The following RASEF variants were observed in gnomAD, a reference collection of about 807,000 sequenced individuals.
RASEF encodes ras and EF-hand domain-containing protein.
In RASEF, 68 loss-of-function variants were observed where a neutral mutation model predicts 90.1. That is an observed-to-expected ratio of 0.75 (90% CI 0.62 to 0.92). The LOEUF is 0.92. RASEF is among the 40% of genes least tolerant of loss of function. The pLI is 0.00. For missense variants in RASEF, 949 were observed against 937.2 expected (o/e 1.01, Z -0.16); for synonymous variants, 331 against 345.2 (o/e 0.96, Z 0.46).
At chr9:83,131,588 C>A in the RASEF span, among the ~76,000 whole-genome samples, 13 of 152,256 alleles carry the variant, frequency 8.5e-5, no homozygotes, top group East Asian at 7.7e-4. Flanking sequence ...TGATCTCGCT[C>A]GGCAAAGATT....
chr9:83,160,799 C>T, the RASEF span, among the ~76,000 whole-genome samples: 1 of 152,140 alleles, frequency 6.6e-6, no homozygotes, highest in Non-Finnish European at 1.5e-5. Flanking sequence ...GGTCCCTGTG[C>T]TGTGTGCAGC....
the RASEF span, among the ~76,000 whole-genome samples, chr9:83,082,936 G>A: frequency 6.6e-6 from 1 of 152,160 alleles, no homozygotes; most frequent in Admixed American, 6.5e-5. Context: ...ATAAGATCAT[G>A]CGCCCAGTGA....
intron 2 of RASEF, among the ~76,000 whole-genome samples, chr9:83,023,878 T>C (rs572096103): frequency 6.6e-6 from 1 of 152,350 alleles, no homozygotes; most frequent in South Asian, 2.1e-4. Flanking sequence ...TCTGCCCTTT[T>C]CACTTCTGAG....
chr9:82,997,097 C>G lies in RASEF; in HGVS notation c.1835G>C (p.Arg612Thr), dbSNP rs1828935880. ...RFRSIAKSYF[R>T]KADGVLLLYD... ...CAGCAGCAAAACACCATCTGCCTTTCTGAAGTAAGACTTGGCAATACTTCT... is the reference window on the plus strand; with the variant it reads ...CAGCAGCAAAACACCATCTGCCTTTGTGAAGTAAGACTTGGCAATACTTCT... The change falls in exon 14 of 17, where the codon AGA becomes ACA. Residue 612 changes from arginine to threonine, a missense_variant. This residue lies in a region of RASEF where 288 missense variants were observed against 328.4 expected (regional missense o/e 0.88). Coordinates refer to ENST00000376447, the MANE Select transcript of RASEF (RefSeq NM_152573.4). The G allele has an allele frequency of 6.2e-7, 1 of 1,613,034 alleles. No individual in the cohort carries two copies. Among genetic ancestry groups the G allele is most frequent in the South Asian group, 1.1e-5 (1 of 91,068 alleles).
the RASEF span, among the ~76,000 whole-genome samples, chr9:83,218,910 C>T: frequency 2.0e-5 from 3 of 152,150 alleles, no homozygotes; most frequent in Non-Finnish European, 2.9e-5. Context: ...CACAGGAGGA[C>T]CGTGCAAAGG....
At chr9:83,069,140 G>A in the RASEF span, among the ~76,000 whole-genome samples, 67 of 152,242 alleles carry the variant, frequency 4.4e-4, no homozygotes, top group African/African-American at 1.6e-3. Flanking sequence ...TTCGACCACT[G>A]TTACTGAGAA....
the RASEF span, among the ~76,000 whole-genome samples, chr9:83,087,233 C>T: frequency 6.6e-6 from 1 of 151,982 alleles, no homozygotes; most frequent in Non-Finnish European, 1.5e-5. Flanking sequence ...AATTGTGTCC[C>T]CCAAATTTGT....
chr9:83,025,984 G>T (rs73469438), intron 1 of RASEF, 63 bp from the exon 2 acceptor site: 1 of 1,209,834 alleles, frequency 8.3e-7, no homozygotes, highest in Non-Finnish European at 1.1e-6. Flanking sequence ...TCTGCAGGGG[G>T]CTTTTAAGAA....
chr9:83,207,592 G>C, the RASEF span, among the ~76,000 whole-genome samples: 1 of 148,730 alleles, frequency 6.7e-6, no homozygotes, highest in East Asian at 2.0e-4. Context: ...TATCTCAGGA[G>C]GGCTGCTTTT....
chr9:83,148,627 T>A, the RASEF span, among the ~76,000 whole-genome samples: 1 of 152,206 alleles, frequency 6.6e-6, no homozygotes, highest in Non-Finnish European at 1.5e-5. Context: ...ATCTCTGATA[T>A]TTATGCCACT....
At chr9:83,159,829 A>T in the RASEF span, among the ~76,000 whole-genome samples, 2 of 152,132 alleles carry the variant, frequency 1.3e-5, no homozygotes, top group African/African-American at 4.8e-5. Context: ...GTTCCCATGT[A>T]TTGTGGGAGA....
Position 83,063,074 on chromosome 9 carries a change from C to G in RASEF, c.-207G>C. 3 of 529,878 alleles carry G rather than the reference C, an allele frequency of 5.7e-6. No individual in the cohort carries two copies. Among genetic ancestry groups the G allele is most frequent in the Non-Finnish European group, 9.4e-6 (3 of 318,884 alleles). The allele number at this position is 529,878 out of a possible 1,614,324, so 32.8% of individuals were successfully genotyped here. On this transcript the variant is annotated 5_prime_UTR_variant, in exon 1 of 17. Coordinates refer to ENST00000376447, the MANE Select transcript of RASEF (RefSeq NM_152573.4). ...CTTCGACGACGGTTCGGGCCAGCCC[C>G]CAACAGGTCCCGGGAGCGGTGGGGT...
chr9:83,179,477 TTTA>T, the RASEF span, among the ~76,000 whole-genome samples: 8 of 152,168 alleles, frequency 5.3e-5, no homozygotes, highest in Admixed American at 2.6e-4. Context: ...AGTATCGTCA[TTTA>T]TTTCTTTTTA....
chr9:83,002,647 CA>C (rs1344302420), intron 9 of RASEF, among the ~76,000 whole-genome samples: 2 of 151,762 alleles, frequency 1.3e-5, no homozygotes, highest in Admixed American at 6.6e-5. Flanking sequence ...ATAAGAAAAC[CA>C]TTCTAATTAT....
the RASEF span, among the ~76,000 whole-genome samples, chr9:83,137,684 C>T: frequency 3.3e-5 from 5 of 151,480 alleles, no homozygotes; most frequent in South Asian, 2.1e-4. Flanking sequence ...TATATGGAAA[C>T]GCATGAAAAG....
chr9:83,115,884 TA>T, the RASEF span, among the ~76,000 whole-genome samples: 8,498 of 145,894 alleles, frequency 0.058, 284 homozygotes, highest in South Asian at 0.1. Flanking sequence ...GCTAAATTGC[TA>T]AAAAAAAAAG....
At chr9:83,009,608 C>T (rs1374425388) in intron 6 of RASEF, 33 bp downstream of exon 6, 2 of 1,307,794 alleles carry the variant, frequency 1.5e-6, no homozygotes, top group East Asian at 2.3e-5. Flanking sequence ...CAATATTCTA[C>T]TCAAACTAAC....
chr9:83,107,775 GA>G, the RASEF span, among the ~76,000 whole-genome samples: 1 of 152,114 alleles, frequency 6.6e-6, no homozygotes, highest in African/African-American at 2.4e-5. Context: ...GGTGGAGAAA[GA>G]AATATTCCTG....
At chr9:83,176,218 C>T in the RASEF span, among the ~76,000 whole-genome samples, 10 of 152,166 alleles carry the variant, frequency 6.6e-5, no homozygotes, top group South Asian at 1.7e-3. Context: ...TTACATCTTC[C>T]TCATAGATTG....
Sources: gnomAD v4.1 joint callset for allele counts (sites outside exome capture counted in the v4.1 genomes callset) on GRCh38, gnomAD v4.1.1 for gene constraint, gnomAD v4.1.1 regional missense constraint, MANE v1.5 for transcripts, NCBI Gene and HGNC (gene_info 2026-07-23, HGNC 2026-07-21) for gene names.